The following RIPOR2 variants were observed in gnomAD, a reference collection of about 807,000 sequenced individuals.
RIPOR2 encodes rho family-interacting cell polarization regulator 2.
In RIPOR2, 39 loss-of-function variants were observed where a neutral mutation model predicts 114.5. That is an observed-to-expected ratio of 0.34 (90% confidence interval 0.26 to 0.44). The LOEUF (loss-of-function observed/expected upper bound fraction) is 0.44, where lower values mean the gene tolerates loss of function less well. Among genes scored for constraint, RIPOR2 ranks in the 20% least tolerant of loss-of-function variants. The pLI is 1.00. For missense variants in RIPOR2, 1,007 were observed against 1,255.1 expected, an observed-to-expected ratio of 0.80 and a Z score of 2.99; for synonymous variants, 445 against 484.4, an observed-to-expected ratio of 0.92 and a Z score of 1.07.
intron 1 of RIPOR2, among the ~76,000 whole-genome samples, chr6:24,919,603 T>C (rs1770326276): frequency 6.6e-6 from 1 of 152,180 alleles, no homozygotes; most frequent in South Asian, 2.1e-4. Flanking sequence ...CCAAAAAGCC[T>C]CAAGGGGCTG....
chr6:24,824,965 C>T (rs1361069009), intron 19 of RIPOR2, among the ~76,000 whole-genome samples: 2 of 151,968 alleles, frequency 1.3e-5, no homozygotes, highest in Non-Finnish European at 2.9e-5. Flanking sequence ...ATAGTGTGAT[C>T]TCATTTTAAA....
intron 1 of RIPOR2, among the ~76,000 whole-genome samples, chr6:25,033,706 G>A (rs1777107732): frequency 6.6e-6 from 1 of 152,152 alleles, no homozygotes. Flanking sequence ...CCCACAATGA[G>A]AACTCCCAAC....
chr6:24,869,559 C>A (rs1364390615), intron 5 of RIPOR2, among the ~76,000 whole-genome samples: 2 of 152,072 alleles, frequency 1.3e-5, no homozygotes, highest in African/African-American at 4.8e-5. Context: ...CTCAGGTGAT[C>A]CACCTGCCTT....
At chr6:24,912,960 ACTG>A (rs2114076900) in intron 1 of RIPOR2, among the ~76,000 whole-genome samples, 1 of 152,316 alleles carries the variant, frequency 6.6e-6, no homozygotes, top group Admixed American at 6.5e-5. Context: ...AGATAAGACT[ACTG>A]ATACTCTGAG....
intron 1 of RIPOR2, chr6:25,023,174 T>G: frequency 1.7e-6 from 1 of 596,236 alleles, no homozygotes; most frequent in Non-Finnish European, 3.2e-6. Flanking sequence ...AATTACAAAT[T>G]ATCACAACAA....
intron 14 of RIPOR2, among the ~76,000 whole-genome samples, chr6:24,836,288 G>GT (rs1761102383): frequency 6.6e-6 from 1 of 152,124 alleles, no homozygotes; most frequent in South Asian, 2.1e-4. Context: ...ATCTGCCAAG[G>GT]TTTTTTCCTG....
At chr6:24,902,324 C>T (rs1332789290) in intron 1 of RIPOR2, among the ~76,000 whole-genome samples, 2 of 151,632 alleles carry the variant, frequency 1.3e-5, no homozygotes, top group African/African-American at 2.4e-5. Context: ...AAGTGATTCT[C>T]CTGCCTTAGC....
intron 11 of RIPOR2, among the ~76,000 whole-genome samples, chr6:24,848,360 G>A (rs1762526670): frequency 6.6e-6 from 1 of 152,062 alleles, no homozygotes; most frequent in African/African-American, 2.4e-5. Flanking sequence ...CTCACCCAAG[G>A]GACCCCAGAA....
Position 24,842,817 on chromosome 6 carries a change from C to T in RIPOR2, c.1857+45G>A, listed in dbSNP as rs756730651. ...TCTTAAATAGAATGTTGGCTTAGGA[C>T]ACCTCTCTCCAAACCTAATCCAATT... On this transcript the variant is annotated intron_variant, in intron 13 of 21. Transcript: ENST00000643898. 21 of 1,170,646 alleles carry T rather than the reference C, an allele frequency of 1.8e-5. No homozygotes were observed. In the Admixed American group the frequency reaches 6.3e-4, roughly 35 times the overall value. 72.5% of individuals were successfully genotyped at this position (1,170,646 alleles called of 1,614,324 possible).
chr6:24,817,954 T>C (rs111642260), intron 20 of RIPOR2, among the ~76,000 whole-genome samples: 5,536 of 148,624 alleles, frequency 0.037, 169 homozygotes, highest in Middle Eastern at 0.083. Context: ...AAATAAGATA[T>C]ACTTTCCTTT....
chr6:24,883,802 A>G lies in RIPOR2; in HGVS notation c.62-7985T>C, dbSNP rs1449511594. ...TTCATAAGATGTAACACCTGCCCTC[A>G]CTGCACTTTCTGAGTCATTTCTTCA... On this transcript the variant is annotated intron_variant, in intron 1 of 21. Transcript: ENST00000643898. This position sits in a 1 kb window ranked among gnomAD's most constrained non-coding sequence, Gnocchi z 4.1. Among the ~76,000 whole-genome samples, 1 of 152,196 alleles carries G rather than the reference A, an allele frequency of 6.6e-6. No individual in the cohort carries two copies. Among genetic ancestry groups the G allele is most frequent in the Non-Finnish European group, 1.5e-5 (1 of 68,034 alleles).
chr6:24,840,685 C>T, intron 13 of RIPOR2: 1 of 1,534,890 alleles, frequency 6.5e-7, no homozygotes, highest in Non-Finnish European at 8.7e-7. Context: ...GTCTTTCGGT[C>T]TTTTAAATCA....
chr6:24,832,509 T>C (rs1760767787), intron 15 of RIPOR2, 118 bp from the exon 16 acceptor site: 2 of 857,218 alleles, frequency 2.3e-6, no homozygotes, highest in Admixed American at 2.6e-5. Context: ...GCGATGTTTT[T>C]CTTCCAGCTC....
chr6:24,885,490 C>T (rs1205664671), intron 1 of RIPOR2, among the ~76,000 whole-genome samples: 1 of 151,480 alleles, frequency 6.6e-6, no homozygotes, highest in Non-Finnish European at 1.5e-5. Flanking sequence ...TCCCAAAGTG[C>T]TGGAATTACA....
chr6:24,809,692 T>C (rs1335008421), intron 21 of RIPOR2, 25 bp downstream of exon 21: 3 of 1,437,948 alleles, frequency 2.1e-6, no homozygotes, highest in South Asian at 1.2e-5. Flanking sequence ...CAAACAATCA[T>C]GTAAACAACA....
chr6:24,883,708 GA>G lies in RIPOR2; in HGVS notation c.62-7892del, dbSNP rs1562310260. Among the ~76,000 whole-genome samples the G allele has an allele frequency of 6.6e-6, 1 of 152,174 alleles. No individual in the cohort carries two copies. The highest frequency in any genetic ancestry group is 2.4e-5 in the African/African-American group (1 of 41,434). ...GGAAGTGCCAAGAAATCAGGACTTG[GA>G]AAAGCTGAATCAGTAAGCAACCAGC... On this transcript the variant is annotated intron_variant, in intron 1 of 21. Coordinates refer to ENST00000643898, the MANE Select transcript of RIPOR2 (RefSeq NM_001286445.3). This position sits in a 1 kb window ranked among gnomAD's most constrained non-coding sequence, Gnocchi z 4.1.
At chr6:24,961,694 C>G (rs572726207) in intron 1 of RIPOR2, among the ~76,000 whole-genome samples, 1 of 150,686 alleles carries the variant, frequency 6.6e-6, no homozygotes, top group East Asian at 2.0e-4. Context: ...GTGGCACAAT[C>G]TAAGCTCACA....
intron 6 of RIPOR2, among the ~76,000 whole-genome samples, chr6:24,867,899 C>A (rs1764785338): frequency 6.6e-6 from 1 of 152,130 alleles, no homozygotes; most frequent in Non-Finnish European, 1.5e-5. Flanking sequence ...GTACCACTGA[C>A]CTTTGAAAAC....
chr6:24,958,261 CA>C (rs1305178651), intron 1 of RIPOR2, among the ~76,000 whole-genome samples: 2 of 152,066 alleles, frequency 1.3e-5, no homozygotes, highest in Non-Finnish European at 2.9e-5. Flanking sequence ...TTGACATGTG[CA>C]AAGCAGAATT....
Sources: allele counts gnomAD v4.1 joint callset (sites outside exome capture counted in the v4.1 genomes callset), GRCh38; gene constraint gnomAD v4.1.1; non-coding constraint Gnocchi (gnomAD v3.1); transcripts MANE v1.5; gene names NCBI Gene and HGNC (gene_info 2026-07-23, HGNC 2026-07-21).